MSL3B: variants seen among roughly 807,000 people sequenced by gnomAD.
The protein encoded by MSL3B is MSL complex subunit 3B.
At chr2:233,865,899 T>G in the MSL3B span, 10 of 318,968 alleles carry the variant, frequency 3.1e-5, no homozygotes, top group Non-Finnish European at 5.4e-5. Flanking sequence ...ACAGATGGCC[T>G]ACAAAGTAGC....
chr2:233,865,961 G>GT, the MSL3B span: 1 of 358,268 alleles, frequency 2.8e-6, no homozygotes, highest in Non-Finnish European at 5.4e-6. Context: ...TCTAAACAGA[G>GT]TAACTACAGT....
At chr2:233,866,856 C>T in the MSL3B span, 1 of 1,278,918 alleles carries the variant, frequency 7.8e-7, no homozygotes, top group Non-Finnish European at 1.1e-6. Flanking sequence ...TTATACTGAG[C>T]TTGTTCATAG....
At chr2:233,866,469 CT>C in the MSL3B span, 1 of 1,272,892 alleles carries the variant, frequency 7.9e-7, no homozygotes, top group Non-Finnish European at 1.1e-6. Flanking sequence ...ACAGGACTCC[CT>C]TCCTGGCTAG....
the MSL3B span, chr2:233,865,953 T>G: frequency 2.8e-6 from 1 of 351,560 alleles, no homozygotes; most frequent in Non-Finnish European, 5.5e-6. Flanking sequence ...GAAATAATTC[T>G]AAACAGAGTA....
chr2:233,867,054 C>A, the MSL3B span: 4 of 1,217,776 alleles, frequency 3.3e-6, 1 homozygote, highest in South Asian at 4.8e-5. Context: ...AAATGCTTCA[C>A]ATAGGATTCC....
chr2:233,866,979 T>C, the MSL3B span: 1 of 1,325,088 alleles, frequency 7.5e-7, no homozygotes, highest in Non-Finnish European at 1.1e-6. Flanking sequence ...ACGTTCATGC[T>C]GGCATGTGGC....
chr2:233,866,317 A>G, the MSL3B span: 1 of 800,692 alleles, frequency 1.2e-6, no homozygotes, highest in Non-Finnish European at 2.3e-6. Flanking sequence ...GAAGTTTGAC[A>G]AACAATCGCA....
chr2:233,867,219 GTTC>G, the MSL3B span: 2 of 768,890 alleles, frequency 2.6e-6, no homozygotes, highest in East Asian at 2.4e-5. Context: ...TGAAGCTCCG[GTTC>G]TTCTTTCACT....
chr2:233,865,937 A>G, the MSL3B span: 1 of 340,252 alleles, frequency 2.9e-6, no homozygotes, highest in East Asian at 7.9e-5. Flanking sequence ...ACTTTCAGGC[A>G]CCTAGGAAAT....
the MSL3B span, chr2:233,867,071 G>A: frequency 8.5e-7 from 1 of 1,183,392 alleles, no homozygotes; most frequent in East Asian, 2.3e-5. Context: ...TTCCAAAATC[G>A]TTATGATGTT....
the MSL3B span, chr2:233,866,614 C>G: frequency 9.9e-6 from 8 of 807,630 alleles, no homozygotes; most frequent in African/African-American, 1.7e-5. Flanking sequence ...TCTTAGAAAG[C>G]CTGTCACAGT....
chr2:233,866,045 T>A, the MSL3B span: 1 of 407,086 alleles, frequency 2.5e-6, no homozygotes, highest in Non-Finnish European at 4.7e-6. Flanking sequence ...GTGCTCTGGA[T>A]AAAAACCCAC....
chr2:233,865,497 G>T, the MSL3B span: 1 of 152,114 alleles, frequency 6.6e-6, no homozygotes. Context: ...TTACAGAAAG[G>T]GAACCGTAAC....
At chr2:233,866,588 T>A in the MSL3B span, 1 of 833,512 alleles carries the variant, frequency 1.2e-6, no homozygotes, top group Non-Finnish European at 2.1e-6. Context: ...GCGCTTGGGC[T>A]GAGGTGAGGT....
At chr2:233,865,536 T>G in the MSL3B span, 1 of 152,346 alleles carries the variant, frequency 6.6e-6, no homozygotes, top group Non-Finnish European at 1.5e-5. Flanking sequence ...GCTGTAAAAT[T>G]GCAAACAAGA....
the MSL3B span, chr2:233,866,135 T>C: frequency 1.3e-5 from 8 of 596,788 alleles, no homozygotes; most frequent in Middle Eastern, 2.8e-4. Context: ...TCAACACTTA[T>C]TGACTGCCTG....
At chr2:233,867,954 C>T in the MSL3B span, 1 of 164,262 alleles carries the variant, frequency 6.1e-6, no homozygotes, top group African/African-American at 2.4e-5. Context: ...CCACGCCCAA[C>T]CACTTTTTGT....
chr2:233,865,384 C>T, the MSL3B span: 8 of 152,086 alleles, frequency 5.3e-5, no homozygotes, highest in Non-Finnish European at 1.0e-4. Context: ...GAATACGTAG[C>T]ATTCTCTTAT....
the MSL3B span, chr2:233,866,351 T>A: frequency 1.2e-6 from 1 of 838,110 alleles, no homozygotes; most frequent in South Asian, 1.3e-5. Flanking sequence ...CCCGTAAATG[T>A]AAGAGGGTGG....
Sources: gnomAD v4.1 joint callset for allele counts on GRCh38, gnomAD v4.1.1 for gene constraint, MANE v1.5 for transcripts, NCBI Gene and HGNC (gene_info 2026-07-23, HGNC 2026-07-21) for gene names.